EPB41L4B: variants seen among roughly 807,000 people sequenced by gnomAD.
EPB41L4B encodes band 4.1-like protein 4B.
In EPB41L4B, 30 loss-of-function variants were observed where a neutral mutation model predicts 112.5. The ratio of observed to expected loss-of-function variants is 0.27; its 90% CI spans 0.20 to 0.36. The LOEUF (loss-of-function observed/expected upper bound fraction) is 0.36, where lower values mean the gene tolerates loss of function less well. Among genes scored for constraint, EPB41L4B ranks in the 10% least tolerant of loss-of-function variants. EPB41L4B has a pLI of 1.00. For missense variants in EPB41L4B, 1,024 were observed against 1,133.3 expected (o/e 0.90, Z 1.38); for synonymous variants, 408 against 439.7 (o/e 0.93, Z 0.90).
chr9:109,281,768 A>C (rs1836069324), intron 1 of EPB41L4B, among the ~76,000 whole-genome samples: 1 of 152,062 alleles, frequency 6.6e-6, no homozygotes, highest in Admixed American at 6.6e-5. Flanking sequence ...ATGTTGGAGA[A>C]GTAGAAACCC....
chr9:109,296,749 T>C (rs1041878263), intron 1 of EPB41L4B, among the ~76,000 whole-genome samples: 2 of 151,910 alleles, frequency 1.3e-5, no homozygotes, highest in Non-Finnish European at 2.9e-5. Context: ...TTATCTGGCA[T>C]GGTGGCACAT....
At chr9:109,221,756 T>C (rs949700188) in intron 15 of EPB41L4B, among the ~76,000 whole-genome samples, 1 of 151,752 alleles carries the variant, frequency 6.6e-6, no homozygotes, top group African/African-American at 2.4e-5. Context: ...TAACAAAGAG[T>C]GTGAGAATGA....
intron 24 of EPB41L4B, among the ~76,000 whole-genome samples, chr9:109,178,902 T>TAAAAAAAAAAAAAA (rs10625718): frequency 1.0e-4 from 11 of 105,110 alleles, no homozygotes; most frequent in Admixed American, 4.6e-4. Flanking sequence ...ATACTTCAAG[T>TAAAAAAAAAAAAAA]AAAAAAAAAA....
At chr9:109,279,966 T>C (rs372144958) in intron 1 of EPB41L4B, 45 bp from the exon 2 acceptor site, 13 of 1,468,950 alleles carry the variant, frequency 8.8e-6, no homozygotes, top group African/African-American at 1.4e-5. Context: ...GTGAGACAGC[T>C]AGATAAGAAA....
At chr9:109,224,350 T>C (rs1022093844) in intron 15 of EPB41L4B, among the ~76,000 whole-genome samples, 6 of 152,184 alleles carry the variant, frequency 3.9e-5, no homozygotes, top group Non-Finnish European at 8.8e-5. Flanking sequence ...AAGAACATTA[T>C]TCAGCCACAA....
At chr9:109,176,040 T>TCACACACACACA (rs762279356) in intron 25 of EPB41L4B, among the ~76,000 whole-genome samples, 1 of 43,424 alleles carries the variant, frequency 2.3e-5, no homozygotes, top group Non-Finnish European at 5.1e-5. Context: ...CTTGTCAATA[T>TCACACACACACA]CACACACACG....
At chr9:109,234,162 T>C (rs550196093) in intron 15 of EPB41L4B, among the ~76,000 whole-genome samples, 2 of 151,418 alleles carry the variant, frequency 1.3e-5, no homozygotes, top group Non-Finnish European at 2.9e-5. Flanking sequence ...AAAGGCATTG[T>C]CATAATTGCT....
intron 25 of EPB41L4B, 96 bp downstream of exon 25, chr9:109,176,455 G>T: frequency 7.6e-7 from 1 of 1,320,582 alleles, no homozygotes; most frequent in South Asian, 1.7e-5. Flanking sequence ...AAGAATGTAG[G>T]AAAGGCCTGT....
rs60381156 is a variant in EPB41L4B at position 109,247,192 on chromosome 9, T to TTTA, written c.1344+563_1344+564insTAA. On this transcript the variant is annotated intron_variant, in intron 14 of 25. Coordinates refer to ENST00000374566, the MANE Select transcript of EPB41L4B (RefSeq NM_019114.5). The stretch of plus-strand genomic sequence containing the variant: ...AGACTAGTTTTTTTTTTTTTTTTTT[T>TTTA]AATCAGGGGCGTGAGAGGGGAGCAA... Among the ~76,000 whole-genome samples the TTTA allele has an allele frequency of 5.7e-3, 862 of 150,678 alleles. 17 individuals carry two copies. The East Asian group carries it at 0.087, about 15-fold the overall frequency.
chr9:109,283,606 T>C lies in EPB41L4B; in HGVS notation c.307-3685A>G, dbSNP rs149779210. 4.4e-3 allele frequency among the ~76,000 whole-genome samples: 668 copies of C among 152,230 alleles called. 7 individuals are homozygous for C. The highest frequency in any genetic ancestry group is 0.015 in the African/African-American group (628 of 41,524). Reference sequence around the variant, plus strand: ...AGATGAGATAAAAAACAAGGAAAATTTTAATGACAATGTTAGGTAAACAGA... The same window carrying C: ...AGATGAGATAAAAAACAAGGAAAATCTTAATGACAATGTTAGGTAAACAGA... On this transcript the variant is annotated intron_variant, in intron 1 of 25. Coordinates refer to ENST00000374566, the MANE Select transcript of EPB41L4B (RefSeq NM_019114.5).
chr9:109,279,108 C>T (rs1835940292), intron 2 of EPB41L4B, among the ~76,000 whole-genome samples: 1 of 152,212 alleles, frequency 6.6e-6, no homozygotes, highest in African/African-American at 2.4e-5. Flanking sequence ...CTGCTCTCTA[C>T]CCAGCCAGAC....
chr9:109,318,533 C>G (rs1837719894), intron 1 of EPB41L4B, among the ~76,000 whole-genome samples: 1 of 152,156 alleles, frequency 6.6e-6, no homozygotes, highest in Non-Finnish European at 1.5e-5. Flanking sequence ...GGAGCACTGT[C>G]AAACTTCCCA....
intron 23 of EPB41L4B, 97 bp from the exon 24 acceptor site, chr9:109,182,894 CA>C: frequency 2.4e-6 from 2 of 839,652 alleles, no homozygotes; most frequent in Non-Finnish European, 4.1e-6. Flanking sequence ...CCAAAGGATT[CA>C]GGGGTGCCCC....
At chr9:109,299,939 A>C (rs80051070) in intron 1 of EPB41L4B, among the ~76,000 whole-genome samples, 5,152 of 152,332 alleles carry the variant, frequency 0.034, 307 homozygotes, top group African/African-American at 0.12. Flanking sequence ...GAACAAAGAC[A>C]CACCACTGCC....
intron 4 of EPB41L4B, among the ~76,000 whole-genome samples, chr9:109,266,968 C>CAAA (rs3061574): frequency 2.2e-5 from 2 of 91,740 alleles, no homozygotes. Context: ...GATTTTGTTT[C>CAAA]AAAAAAAAAA....
rs756502362 is a variant in EPB41L4B at position 109,203,698 on chromosome 9, G to C, written c.1911C>G (p.Ile637Met). The change falls in exon 19 of 26, where the codon ATC becomes ATG. Residue 637 changes from isoleucine (I) to methionine (M), a missense_variant. Transcript: ENST00000374566. ...GGKEESPFVN[I>M]NKKSSLQDAS... ...CGTCCTGAAGACTGGATTTCTTATT[G>C]ATATTTACAAACGGTGATTCCTCCT... 1.2e-6 allele frequency: 2 copies of C among 1,613,872 alleles called. No individual in the cohort carries two copies. Among genetic ancestry groups the C allele is most frequent in the East Asian group, 4.5e-5 (2 of 44,876 alleles).
Position 109,320,369 on chromosome 9 carries a change from G to A in EPB41L4B, c.78C>T (p.Ala26=). 1.0e-6 allele frequency: 1 copy of A among 982,518 alleles called. No homozygotes were observed. Among genetic ancestry groups the A allele is most frequent in the Non-Finnish European group, 1.2e-6 (1 of 829,414 alleles). 60.9% of individuals were successfully genotyped at this position (982,518 alleles called of 1,614,324 possible). A position where few individuals can be genotyped will look rare whatever the true frequency, so the allele number is the denominator to read the frequency against. The stretch of plus-strand genomic sequence containing the variant: ...CATCGCGCTCGTCCCCCAGCCCGGC[G>A]GCCCCGCGCCCCGCCGCGCCCCGCG... ...RYARGAAGRG[A]AGLGDERDGG... Residue 26 remains alanine (A), a synonymous_variant, in exon 1 of 26, where the codon GCC becomes GCT. Transcript: ENST00000374566.
chr9:109,269,407 G>A (rs1835529192), intron 2 of EPB41L4B, among the ~76,000 whole-genome samples: 1 of 152,200 alleles, frequency 6.6e-6, no homozygotes, highest in Non-Finnish European at 1.5e-5. Context: ...TGAAGTCAAA[G>A]TCGTTGATAC....
At position 109,194,298 on chromosome 9, in the gene EPB41L4B, C is replaced by T. The variant is rs1252936156; in HGVS notation, c.2145G>A (p.Pro715=). Residue 715 remains proline (P), a synonymous_variant, in exon 21 of 26, where the codon CCG becomes CCA. Transcript: ENST00000374566. ...TTTAATQVSV[P]LPSPKVQNVS... ...CATTCTGGACCTTGGGGGACGGCAG[C>T]GGCACGGAGACTTGTGTGGCGGCCG... 14 of 1,614,142 alleles carry T rather than the reference C, an allele frequency of 8.7e-6. No homozygotes were observed. The highest frequency in any genetic ancestry group is 1.1e-5 in the South Asian group (1 of 91,082).
Sources: gnomAD v4.1 joint callset for allele counts (sites outside exome capture counted in the v4.1 genomes callset) on GRCh38, gnomAD v4.1.1 for gene constraint, MANE v1.5 for transcripts, NCBI Gene and HGNC (gene_info 2026-07-23, HGNC 2026-07-21) for gene names.